The following ANO2 variants were observed in gnomAD, a reference collection of about 807,000 sequenced individuals.
ANO2 encodes the protein anoctamin-2.
A neutral mutation model predicts 124.2 loss-of-function variants in ANO2; 101 were observed. The ratio of observed to expected loss-of-function variants is 0.81; its 90% confidence interval spans 0.69 to 0.96. The LOEUF (loss-of-function observed/expected upper bound fraction) is 0.96, where lower values mean the gene tolerates loss of function less well. Among genes scored for constraint, ANO2 ranks in the 40% least tolerant of loss-of-function variants. The pLI is 0.00. For synonymous variants in ANO2, 486 were observed against 482.5 expected, an observed-to-expected ratio of 1.01 and a Z score of -0.09; for missense variants, 1,293 against 1,274.5, an observed-to-expected ratio of 1.01 and a Z score of -0.22.
At chr12:5,641,102 T>C (rs577216453) in intron 15 of ANO2, among the ~76,000 whole-genome samples, 1 of 152,240 alleles carries the variant, frequency 6.6e-6, no homozygotes, top group Admixed American at 6.5e-5. Context: ...GAAACCATCA[T>C]TCTGAGCAAA....
chr12:5,864,046 A>T (rs766753886), intron 3 of ANO2, among the ~76,000 whole-genome samples: 5 of 152,190 alleles, frequency 3.3e-5, no homozygotes, highest in Non-Finnish European at 5.9e-5. Flanking sequence ...CTGCCTTGGT[A>T]CTCAAAGCAC....
intron 16 of ANO2, among the ~76,000 whole-genome samples, chr12:5,624,301 G>C (rs577804209): frequency 6.6e-6 from 1 of 151,066 alleles, no homozygotes; most frequent in South Asian, 2.1e-4. Context: ...ACAGACAGAG[G>C]CGTATTCTGT....
At chr12:5,886,472 A>G (rs1938915343) in intron 3 of ANO2, among the ~76,000 whole-genome samples, 1 of 152,218 alleles carries the variant, frequency 6.6e-6, no homozygotes, top group Non-Finnish European at 1.5e-5. Context: ...TTAGATGAGT[A>G]AGTTCTAGAG....
At chr12:5,697,669 G>A (rs868073216) in intron 14 of ANO2, among the ~76,000 whole-genome samples, 13 of 152,308 alleles carry the variant, frequency 8.5e-5, no homozygotes, top group African/African-American at 2.4e-4. Flanking sequence ...CCCCTCACCC[G>A]GGAAACGCAA....
intron 3 of ANO2, among the ~76,000 whole-genome samples, chr12:5,915,319 A>G (rs1941316222): frequency 6.6e-6 from 1 of 152,258 alleles, no homozygotes; most frequent in Non-Finnish European, 1.5e-5. Flanking sequence ...TGTCTTTAAA[A>G]TATGAACATG....
intron 14 of ANO2, among the ~76,000 whole-genome samples, chr12:5,668,591 T>C (rs1947849063): frequency 6.6e-6 from 1 of 152,212 alleles, no homozygotes; most frequent in Non-Finnish European, 1.5e-5. Context: ...TTGAAATTGC[T>C]GTTAGCAATT....
intron 7 of ANO2, among the ~76,000 whole-genome samples, chr12:5,825,691 ATC>A (rs1953933384): frequency 6.6e-6 from 1 of 152,230 alleles, no homozygotes; most frequent in Non-Finnish European, 1.5e-5. Flanking sequence ...TCAAGATGAA[ATC>A]AGTCTACTAC....
At chr12:5,763,940 C>T (rs1951807891) in intron 10 of ANO2, among the ~76,000 whole-genome samples, 2 of 152,010 alleles carry the variant, frequency 1.3e-5, no homozygotes, top group South Asian at 4.1e-4. Flanking sequence ...TAGAAATTAC[C>T]AGTACTGGGA....
chr12:5,579,985 CTG>C (rs1204816439), intron 20 of ANO2, among the ~76,000 whole-genome samples: 3 of 152,190 alleles, frequency 2.0e-5, no homozygotes, highest in African/African-American at 7.2e-5. Flanking sequence ...CTGTGTGCTT[CTG>C]TGATTGACTT....
intron 14 of ANO2, among the ~76,000 whole-genome samples, chr12:5,707,260 C>T (rs1949648487): frequency 6.6e-6 from 1 of 152,184 alleles, no homozygotes; most frequent in Non-Finnish European, 1.5e-5. Context: ...TCACCTTCTG[C>T]CATGATTGTA....
At chr12:5,828,207 G>A (rs1264325391) in intron 6 of ANO2, among the ~76,000 whole-genome samples, 1 of 152,176 alleles carries the variant, frequency 6.6e-6, no homozygotes, top group Admixed American at 6.5e-5. Flanking sequence ...TGCCGCCCAC[G>A]TCGGGGAACC....
intron 16 of ANO2, among the ~76,000 whole-genome samples, chr12:5,630,550 G>C (rs1385166649): frequency 6.6e-6 from 1 of 152,116 alleles, no homozygotes; most frequent in Non-Finnish European, 1.5e-5. Flanking sequence ...TCCTTCTGTA[G>C]GCAGACAGAG....
intron 16 of ANO2, among the ~76,000 whole-genome samples, chr12:5,622,126 T>C (rs1166010887): frequency 6.6e-6 from 1 of 152,162 alleles, no homozygotes; most frequent in East Asian, 1.9e-4. Context: ...AAAACATATC[T>C]AGAAGGTGAT....
At chr12:5,743,809 C>T (rs144269596) in intron 12 of ANO2, among the ~76,000 whole-genome samples, 31 of 152,198 alleles carry the variant, frequency 2.0e-4, no homozygotes, top group African/African-American at 3.4e-4. Flanking sequence ...TTGTGCTGCA[C>T]GATATCTACA....
At chr12:5,624,066 C>T (rs550763333) in intron 16 of ANO2, among the ~76,000 whole-genome samples, 2 of 152,200 alleles carry the variant, frequency 1.3e-5, no homozygotes, top group South Asian at 4.1e-4. Context: ...ACTCCTGTGG[C>T]CCAGAGAGCT....
At chr12:5,808,970 A>G (rs1211424175) in intron 7 of ANO2, among the ~76,000 whole-genome samples, 1 of 152,202 alleles carries the variant, frequency 6.6e-6, no homozygotes, top group Non-Finnish European at 1.5e-5. Flanking sequence ...AGGTGTGCCC[A>G]GTAGAAGTGG....
chr12:5,628,373 C>T (rs1045106751), intron 16 of ANO2, among the ~76,000 whole-genome samples: 2 of 152,180 alleles, frequency 1.3e-5, no homozygotes, highest in African/African-American at 4.8e-5. Flanking sequence ...CTTCTGGAAC[C>T]TTTGTGGTGT....
At chr12:5,771,142 G>T (rs912294456) in intron 10 of ANO2, among the ~76,000 whole-genome samples, 1 of 152,214 alleles carries the variant, frequency 6.6e-6, no homozygotes, top group African/African-American at 2.4e-5. Context: ...TATTCTTAGT[G>T]CCTAGAATGT....
chr12:5,924,596 C>T (rs1432232166), intron 1 of ANO2, among the ~76,000 whole-genome samples: 1 of 152,182 alleles, frequency 6.6e-6, no homozygotes, highest in African/African-American at 2.4e-5. Flanking sequence ...AATATTAAGC[C>T]GAAAGCTGAG....
Sources: gnomAD v4.1 joint callset for allele counts (sites outside exome capture counted in the v4.1 genomes callset) on GRCh38, gnomAD v4.1.1 for gene constraint, MANE v1.5 for transcripts, NCBI Gene and HGNC (gene_info 2026-07-23, HGNC 2026-07-21) for gene names.